The following TTC23L variants were observed in gnomAD, a reference collection of about 807,000 sequenced individuals.
The protein encoded by TTC23L is tetratricopeptide repeat protein 23-like.
In TTC23L, 42 loss-of-function variants were observed where a neutral mutation model predicts 48.1. The observed-to-expected ratio is 0.87, with a 90% CI of 0.68 to 1.13. The LOEUF (loss-of-function observed/expected upper bound fraction) is 1.13. TTC23L is among the 50% of genes most tolerant of loss of function. The probability of loss-of-function intolerance (pLI) is 0.00; values close to 1 mark genes in which losing one functional copy is unlikely to be tolerated. For synonymous variants in TTC23L, 159 were observed against 157.2 expected (o/e 1.01, Z -0.09); for missense variants, 391 against 421.0 (o/e 0.93, Z 0.62).
At chr5:34,873,739 A>G (rs1761637756) in intron 8 of TTC23L, among the ~76,000 whole-genome samples, 1 of 152,178 alleles carries the variant, frequency 6.6e-6, no homozygotes, top group African/African-American at 2.4e-5. Context: ...CCACAAAACT[A>G]CATACATGTG....
downstream of TTC23L, among the ~76,000 whole-genome samples, chr5:34,902,859 G>T (rs976004124): frequency 4.6e-5 from 7 of 151,976 alleles, no homozygotes; most frequent in Non-Finnish European, 1.0e-4. Context: ...AGATGGGGCT[G>T]CTGTTCTTCC....
At chr5:34,923,088 T>G in the TTC23L span, 1 of 1,561,864 alleles carries the variant, frequency 6.4e-7, no homozygotes, top group South Asian at 1.1e-5. Flanking sequence ...AAAATATACA[T>G]GATATATCTT....
chr5:34,897,338 T>A (rs1763291900), intron 10 of TTC23L, among the ~76,000 whole-genome samples: 1 of 152,032 alleles, frequency 6.6e-6, no homozygotes. Context: ...GAGCCGAGAT[T>A]GTGCCACTGC....
the TTC23L span, chr5:34,914,121 A>G: frequency 2.4e-6 from 1 of 411,040 alleles, no homozygotes; most frequent in Admixed American, 2.6e-5. Context: ...TGAACTTGCA[A>G]TCCTATCTGA....
At chr5:34,915,962 T>A in the TTC23L span, 1 of 1,465,946 alleles carries the variant, frequency 6.8e-7, no homozygotes, top group African/African-American at 1.4e-5. Context: ...CTTGGGTTAC[T>A]TACTTGACTA....
chr5:34,873,966 T>C (rs1413151106), intron 8 of TTC23L, among the ~76,000 whole-genome samples: 3 of 152,116 alleles, frequency 2.0e-5, no homozygotes, highest in African/African-American at 7.2e-5. Flanking sequence ...TTAAAAATAA[T>C]AAGCACTAAA....
intron 9 of TTC23L, among the ~76,000 whole-genome samples, 152 bp from the exon 10 acceptor site, chr5:34,896,618 G>A (rs917807266): frequency 2.6e-5 from 4 of 152,174 alleles, no homozygotes; most frequent in African/African-American, 7.2e-5. Context: ...ATCTTAAGGG[G>A]ACAACATTCT....
At chr5:34,850,712 G>A (rs1373295118) in intron 4 of TTC23L, among the ~76,000 whole-genome samples, 1 of 152,094 alleles carries the variant, frequency 6.6e-6, no homozygotes, top group Non-Finnish European at 1.5e-5. Flanking sequence ...ACCCAATAAT[G>A]GGACTTGAAT....
At chr5:34,842,088 T>C (rs999573329) in intron 2 of TTC23L, among the ~76,000 whole-genome samples, 2 of 152,346 alleles carry the variant, frequency 1.3e-5, no homozygotes, top group Non-Finnish European at 1.5e-5. Context: ...AATAGAAATA[T>C]AATGCAAACC....
At chr5:34,854,403 C>T (rs1334473501) in intron 4 of TTC23L, among the ~76,000 whole-genome samples, 1 of 152,148 alleles carries the variant, frequency 6.6e-6, no homozygotes, top group East Asian at 1.9e-4. Context: ...CCCAGTGCCT[C>T]TTTGCTTTCT....
chr5:34,922,787 G>A, the TTC23L span: 1 of 1,605,124 alleles, frequency 6.2e-7, no homozygotes, highest in Non-Finnish European at 8.5e-7. Flanking sequence ...CTCATTCAGT[G>A]TATGAGGTCT....
At chr5:34,899,672 T>C (rs937731368), downstream of TTC23L, among the ~76,000 whole-genome samples, 3 of 152,092 alleles carry the variant, frequency 2.0e-5, no homozygotes, top group East Asian at 5.8e-4. Flanking sequence ...AGGCCAATCA[T>C]GAAGTCAGGA....
At chr5:34,842,473 CAA>C in intron 2 of TTC23L, among the ~76,000 whole-genome samples, 1 of 151,906 alleles carries the variant, frequency 6.6e-6, no homozygotes, top group Admixed American at 6.6e-5. Flanking sequence ...GAATAAAAGA[CAA>C]GAGACAAAAG....
At chr5:34,922,538 G>T in the TTC23L span, 2 of 1,599,476 alleles carry the variant, frequency 1.3e-6, no homozygotes, top group Non-Finnish European at 1.7e-6. Flanking sequence ...ATATCTTTCA[G>T]GCTTTCAAAT....
At chr5:34,845,272 T>C (rs1290548691) in intron 2 of TTC23L, among the ~76,000 whole-genome samples, 5 of 152,260 alleles carry the variant, frequency 3.3e-5, no homozygotes, top group African/African-American at 1.2e-4. Context: ...AGCAGAGCTG[T>C]ACCTCTATAA....
At chr5:34,868,744 A>C (rs1207917817) in intron 7 of TTC23L, 161 bp from the exon 8 acceptor site, 2 of 623,396 alleles carry the variant, frequency 3.2e-6, no homozygotes, top group Non-Finnish European at 5.8e-6. Flanking sequence ...AACCCTAATC[A>C]GTGGGAATTA....
At chr5:34,872,102 A>AC (rs1461257793) in intron 8 of TTC23L, among the ~76,000 whole-genome samples, 3 of 150,362 alleles carry the variant, frequency 2.0e-5, no homozygotes, top group Non-Finnish European at 4.4e-5. Flanking sequence ...ACATAGTGAG[A>AC]CCCCATCTCT....
chr5:34,913,927 C>G, the TTC23L span: 1 of 457,018 alleles, frequency 2.2e-6, no homozygotes, highest in South Asian at 1.6e-5. Flanking sequence ...CTATGATTAC[C>G]CAGGCTGGTC....
At chr5:34,845,979 T>C (rs1485500465) in intron 3 of TTC23L, among the ~76,000 whole-genome samples, 1 of 152,134 alleles carries the variant, frequency 6.6e-6, no homozygotes. Flanking sequence ...GGAGGATCTC[T>C]TGAGGCCAGC....
Sources: gnomAD v4.1 joint callset for allele counts (sites outside exome capture counted in the v4.1 genomes callset) on GRCh38, gnomAD v4.1.1 for gene constraint, MANE v1.5 for transcripts, NCBI Gene and HGNC (gene_info 2026-07-23, HGNC 2026-07-21) for gene names.